Variants in PFKFB4 observed in about 807,000 individuals in gnomAD.
PFKFB4 encodes the protein 6-phosphofructo-2-kinase/fructose-2,6-biphosphatase 4.
A neutral mutation model predicts 62.8 loss-of-function variants in PFKFB4; 42 were observed. The observed-to-expected ratio is 0.67, with a 90% CI of 0.52 to 0.86. The LOEUF is 0.86. Ranked by LOEUF, PFKFB4 falls within the 40% of genes least tolerant of loss-of-function variation. PFKFB4 has a pLI of 0.00. For synonymous variants in PFKFB4, 204 were observed against 240.7 expected (o/e 0.85, Z 1.41); for missense variants, 475 against 627.2 (o/e 0.76, Z 2.59).
intron 12 of PFKFB4, among the ~76,000 whole-genome samples, 159 bp downstream of exon 12, chr3:48,523,378 C>A (rs1486104673): frequency 6.6e-6 from 1 of 152,158 alleles, no homozygotes; most frequent in East Asian, 1.9e-4. Flanking sequence ...AGCGAGACTC[C>A]GTCTCAAAGA....
At position 48,523,595 on chromosome 3, in the gene PFKFB4, C is replaced by G. The variant is rs751904428; in HGVS notation, c.1227G>C (p.Gln409His). 6.2e-7 allele frequency: 1 copy of G among 1,614,146 alleles called. No homozygotes were observed. Among genetic ancestry groups the G allele is most frequent in the Admixed American group, 1.7e-5 (1 of 60,022 alleles). Residue 409 changes from glutamine to histidine, a missense_variant, in exon 12 of 14, where the codon CAG becomes CAC. Gln to His is a conservative substitution (Grantham distance 24, BLOSUM62 0). Coordinates refer to ENST00000232375, the MANE Select transcript of PFKFB4 (RefSeq NM_004567.4). ...LAYFLDKAAEQLPYLKCPLHT... is the reference protein window; with the variant it reads ...LAYFLDKAAEHLPYLKCPLHT... ...GCAGCGGACACTTGAGGTAGGGCAG[C>G]TGTTCTGTAGACACAGAGGGGGATG...
intron 9 of PFKFB4, among the ~76,000 whole-genome samples, chr3:48,528,519 T>G (rs528906897): frequency 1.6e-4 from 24 of 152,008 alleles, no homozygotes; most frequent in African/African-American, 5.8e-4. Flanking sequence ...AAAAATTAGC[T>G]GGGTGTGGTG....
intron 9 of PFKFB4, among the ~76,000 whole-genome samples, chr3:48,530,209 C>T (rs778590861): frequency 2.6e-5 from 4 of 151,824 alleles, no homozygotes; most frequent in Non-Finnish European, 4.4e-5. Flanking sequence ...GCTGAGATTG[C>T]ACCACTACAC....
intron 10 of PFKFB4, 141 bp from the exon 11 acceptor site, chr3:48,523,971 T>C: frequency 7.5e-6 from 7 of 930,842 alleles, no homozygotes; most frequent in Non-Finnish European, 1.1e-5. Flanking sequence ...CAGCCTAGCC[T>C]TCTGAGGCCA....
At chr3:48,535,453 A>G in intron 9 of PFKFB4, 59 bp downstream of exon 9, 1 of 1,430,212 alleles carries the variant, frequency 7.0e-7, no homozygotes, top group Non-Finnish European at 9.8e-7. Context: ...TTGTTACAAT[A>G]TGATGCAGCA....
At chr3:48,546,376 T>C (rs903764214) in intron 3 of PFKFB4, among the ~76,000 whole-genome samples, 5 of 147,798 alleles carry the variant, frequency 3.4e-5, no homozygotes, top group Non-Finnish European at 7.4e-5. Flanking sequence ...ATGGTGTGTG[T>C]GTATACATGT....
At position 48,536,348 on chromosome 3, in the gene PFKFB4, G is replaced by T. The variant is rs142200739; in HGVS notation, c.748C>A (p.Arg250Ser). 1 of 1,614,152 alleles carries T rather than the reference G, an allele frequency of 6.2e-7. No homozygotes were observed. The highest frequency in any genetic ancestry group is 2.2e-5 in the East Asian group (1 of 44,878). ...CCGTGCCGGCAGAGGTAGATGGAGC[G>T]GGGGGTCACGTGGATGTTCATGAGG... ...YYLMNIHVTP[R>S]SIYLCRHGES... The change falls in exon 8 of 14, where the codon CGC (arginine) becomes AGC (serine). Residue 250 changes from arginine to serine, a missense_variant. Coordinates refer to ENST00000232375, the MANE Select transcript of PFKFB4 (RefSeq NM_004567.4).
intron 6 of PFKFB4, 134 bp downstream of exon 6, chr3:48,539,120 C>T (rs1301189447): frequency 2.7e-6 from 2 of 739,256 alleles, no homozygotes; most frequent in East Asian, 2.6e-5. Context: ...GCGAGGCATA[C>T]CTGACCCAGC....
At chr3:48,562,496 T>C, upstream of PFKFB4, 1 of 470,294 alleles carries the variant, frequency 2.1e-6, no homozygotes, top group Non-Finnish European at 3.8e-6. This position sits in a 1 kb window ranked among gnomAD's most constrained non-coding sequence, Gnocchi z 4.3. Flanking sequence ...GGACATATAT[T>C]AGGTCTGTGG....
At chr3:48,559,668 A>G, upstream of PFKFB4, 1 of 452,826 alleles carries the variant, frequency 2.2e-6, no homozygotes, top group Non-Finnish European at 4.4e-6. Context: ...CGTGGGAAGT[A>G]TGCTGGGATG....
intron 13 of PFKFB4, among the ~76,000 whole-genome samples, chr3:48,520,017 G>C (rs935123091): frequency 6.6e-6 from 1 of 152,192 alleles, no homozygotes; most frequent in Non-Finnish European, 1.5e-5. Context: ...ACAAAGGTGC[G>C]GTGGAGGATG....
At chr3:48,544,999 C>T (rs964017741) in intron 3 of PFKFB4, among the ~76,000 whole-genome samples, 4 of 152,204 alleles carry the variant, frequency 2.6e-5, no homozygotes, top group Non-Finnish European at 5.9e-5. Context: ...GCTGGGATTA[C>T]AGGCGCGAGC....
intron 10 of PFKFB4, 117 bp from the exon 11 acceptor site, chr3:48,523,947 G>A (rs2042176962): frequency 2.5e-6 from 3 of 1,188,316 alleles, no homozygotes. Context: ...GGGAAGCTGT[G>A]GCTGGGCCTC....
chr3:48,524,462 T>C (rs752789352), intron 10 of PFKFB4, among the ~76,000 whole-genome samples: 2 of 152,162 alleles, frequency 1.3e-5, no homozygotes, highest in Non-Finnish European at 2.9e-5. Context: ...CAAGCTTTGA[T>C]TAGGAAGCAA....
At position 48,538,626 on chromosome 3, in the gene PFKFB4, G is replaced by A. The variant is rs747668445; in HGVS notation, c.511-7C>T. ...GGCTGCCCAGTTTCACTTGCTGCCG[G>A]AGCCAGGCACAGAGAAAGGACATAT... is the stretch of plus-strand genomic sequence containing the variant. On this transcript the variant is annotated splice_region_variant and splice_polypyrimidine_tract_variant and intron_variant, in intron 6 of 13. Transcript: ENST00000232375. 2 of 1,614,162 alleles carry A rather than the reference G, an allele frequency of 1.2e-6. No homozygotes were observed. The highest frequency in any genetic ancestry group is 3.3e-5 in the Admixed American group (2 of 60,024).
At position 48,518,972 on chromosome 3, in the gene PFKFB4, A is replaced by C. The variant is rs2042001903; in HGVS notation, c.*775T>G. On this transcript the variant is annotated 3_prime_UTR_variant, in exon 14 of 14. Coordinates refer to ENST00000232375, the MANE Select transcript of PFKFB4 (RefSeq NM_004567.4). ...TGTCTTGAAGTGGTTTCACTGTGAG[A>C]GCAGGCCTGAAGGGGCACCCCTGGC... The C allele has an allele frequency of 6.6e-6, 1 of 152,194 alleles. No homozygotes were observed. Among genetic ancestry groups the C allele is most frequent in the Admixed American group, 6.5e-5 (1 of 15,276 alleles). The allele number at this position is 152,194 out of a possible 1,614,324, so 9.4% of individuals were successfully genotyped here. A position where few individuals can be genotyped will look rare whatever the true frequency, so the allele number is the denominator to read the frequency against.
intron 9 of PFKFB4, among the ~76,000 whole-genome samples, chr3:48,531,307 G>C: frequency 6.6e-6 from 1 of 151,888 alleles, no homozygotes; most frequent in East Asian, 1.9e-4. Context: ...AGACCAGCCT[G>C]ACCAACATGG....
chr3:48,550,752 T>A (rs2043117206), intron 1 of PFKFB4, among the ~76,000 whole-genome samples: 1 of 152,166 alleles, frequency 6.6e-6, no homozygotes, highest in Admixed American at 6.5e-5. Flanking sequence ...AAAAAGTCAC[T>A]TCCTCAATGA....
intron 1 of PFKFB4, among the ~76,000 whole-genome samples, chr3:48,554,466 C>T (rs970048836): frequency 6.6e-6 from 1 of 152,174 alleles, no homozygotes; most frequent in Admixed American, 6.5e-5. Flanking sequence ...GGAAAAAGTG[C>T]GGACCTAGAA....
Sources: allele counts gnomAD v4.1 joint callset (sites outside exome capture counted in the v4.1 genomes callset), GRCh38; gene constraint gnomAD v4.1.1; non-coding constraint Gnocchi (gnomAD v3.1); transcripts MANE v1.5; gene names NCBI Gene and HGNC (gene_info 2026-07-23, HGNC 2026-07-21).